SYT2: variants seen among roughly 807,000 people sequenced by gnomAD.
SYT2 encodes synaptotagmin 2.
A neutral mutation model predicts 39.9 loss-of-function variants in SYT2; 15 were observed. The ratio of observed to expected loss-of-function variants is 0.38; its 90% CI spans 0.25 to 0.58. SYT2 has a LOEUF of 0.58. Ranked by LOEUF, SYT2 falls within the 20% of genes least tolerant of loss-of-function variation. SYT2 has a pLI of 0.70. For synonymous variants in SYT2, 181 were observed against 204.5 expected (o/e 0.89, Z 0.98); for missense variants, 389 against 530.3 (o/e 0.73, Z 2.62).
chr1:202,709,754 C>T (rs570499122), intron 1 of SYT2, among the ~76,000 whole-genome samples: 1 of 152,306 alleles, frequency 6.6e-6, no homozygotes, highest in Non-Finnish European at 1.5e-5. Flanking sequence ...CCAGGGTCTC[C>T]GGCTCCCAGC....
intron 1 of SYT2, among the ~76,000 whole-genome samples, chr1:202,669,749 C>T (rs1229312456): frequency 6.7e-6 from 1 of 148,500 alleles, no homozygotes; most frequent in African/African-American, 2.5e-5. Context: ...CAGAGTGAGA[C>T]CCTGTCTCAA....
chr1:202,596,984 G>A, intron 8 of SYT2, 21 bp from the exon 9 acceptor site: 1 of 1,606,816 alleles, frequency 6.2e-7, no homozygotes, highest in Non-Finnish European at 8.5e-7. Context: ...AACGAGGGAG[G>A]GAGTTGGCAG....
At chr1:202,662,843 A>G (rs962401623) in intron 1 of SYT2, among the ~76,000 whole-genome samples, 3 of 152,200 alleles carry the variant, frequency 2.0e-5, no homozygotes, top group African/African-American at 7.2e-5. Flanking sequence ...GTTGTTGAGG[A>G]TTAAAAATAA....
chr1:202,646,132 G>A (rs1025570579), intron 1 of SYT2, among the ~76,000 whole-genome samples: 1 of 152,112 alleles, frequency 6.6e-6, no homozygotes, highest in Non-Finnish European at 1.5e-5. Context: ...CTCCCCAGGT[G>A]CTCCTTAGGT....
intron 1 of SYT2, among the ~76,000 whole-genome samples, chr1:202,625,865 ATC>A (rs2149087194): frequency 6.6e-6 from 1 of 152,298 alleles, no homozygotes; most frequent in African/African-American, 2.4e-5. Context: ...TCCTGTCTCC[ATC>A]TCTCAGGCCC....
At chr1:202,632,034 TTA>T in intron 1 of SYT2, 6 of 985,382 alleles carry the variant, frequency 6.1e-6, no homozygotes, top group Non-Finnish European at 7.2e-6. Context: ...AGAGCTTCCT[TTA>T]TGACACTGCC....
chr1:202,598,054 C>T (rs961466811), intron 8 of SYT2, among the ~76,000 whole-genome samples: 1 of 152,190 alleles, frequency 6.6e-6, no homozygotes, highest in East Asian at 1.9e-4. Flanking sequence ...TACTGGTGCC[C>T]TCCCACTGTG....
chr1:202,653,224 C>A (rs1043618843), intron 1 of SYT2, among the ~76,000 whole-genome samples: 3 of 152,074 alleles, frequency 2.0e-5, no homozygotes, highest in Non-Finnish European at 2.9e-5. Context: ...CAACACGGAC[C>A]CCCCCTGAAC....
chr1:202,605,932 A>G (rs1572617054), intron 1 of SYT2, 143 bp from the exon 2 acceptor site: 2 of 597,098 alleles, frequency 3.3e-6, no homozygotes, highest in East Asian at 5.6e-5. Flanking sequence ...AACCAATAAT[A>G]ATAGACATCA....
At chr1:202,679,332 G>C (rs894912414) in intron 1 of SYT2, among the ~76,000 whole-genome samples, 1 of 152,100 alleles carries the variant, frequency 6.6e-6, no homozygotes, top group Non-Finnish European at 1.5e-5. Flanking sequence ...AATTGCAGCT[G>C]TTTATTGGTA....
intron 1 of SYT2, among the ~76,000 whole-genome samples, chr1:202,672,778 G>GGAGAGGGAGAGAGAGAGAGA: frequency 3.9e-5 from 1 of 25,946 alleles, no homozygotes; most frequent in African/African-American, 6.9e-5. Context: ...AGGGAGGGAG[G>GGAGAGGGAGAGAGAGAGAGA]GAGAGAGAGA....
intron 8 of SYT2, among the ~76,000 whole-genome samples, chr1:202,598,653 T>C (rs1174539498): frequency 6.6e-6 from 1 of 152,130 alleles, no homozygotes; most frequent in Non-Finnish European, 1.5e-5. Flanking sequence ...GTGGGTCTCT[T>C]GTCCTACCAC....
intron 1 of SYT2, among the ~76,000 whole-genome samples, chr1:202,662,239 G>A (rs184032043): frequency 4.1e-4 from 63 of 152,340 alleles, no homozygotes; most frequent in African/African-American, 1.5e-3. Context: ...TATGCGAGTT[G>A]GCGGCAGAAT....
rs1691377164 is a variant in SYT2 at position 202,625,566 on chromosome 1, T to A, written c.-17-19777A>T. On this transcript the variant is annotated intron_variant, in intron 1 of 8. Transcript: ENST00000367268. ...GACCGCGGCCTCCTCCCCAGCCCAC[T>A]TCTTCCCTGCGGCCCGTTGAGGAGA... Among the ~76,000 whole-genome samples the A allele has an allele frequency of 2.0e-5, 3 of 151,868 alleles. No individual in the cohort carries two copies. In the South Asian group the frequency reaches 6.2e-4, roughly 31 times the overall value.
chr1:202,621,870 T>G (rs1042762642), intron 1 of SYT2, among the ~76,000 whole-genome samples: 1 of 152,228 alleles, frequency 6.6e-6, no homozygotes. Context: ...AATGGGATCC[T>G]GATGCCACAT....
At chr1:202,615,432 T>C (rs1691007525) in intron 1 of SYT2, among the ~76,000 whole-genome samples, 1 of 152,042 alleles carries the variant, frequency 6.6e-6, no homozygotes, top group Non-Finnish European at 1.5e-5. Flanking sequence ...CCCCCCCACA[T>C]CCCAGGTGTC....
At chr1:202,653,497 C>T (rs926096198) in intron 1 of SYT2, among the ~76,000 whole-genome samples, 11 of 151,122 alleles carry the variant, frequency 7.3e-5, no homozygotes, top group Admixed American at 3.3e-4. Context: ...GCATCTAGCA[C>T]AGTCTGGGCA....
At chr1:202,619,333 C>G (rs936857519) in intron 1 of SYT2, among the ~76,000 whole-genome samples, 8 of 152,124 alleles carry the variant, frequency 5.3e-5, no homozygotes, top group African/African-American at 4.8e-5. Flanking sequence ...TGAAATGGCG[C>G]CATTAGGTGA....
At chr1:202,650,380 C>T (rs1374710256) in intron 1 of SYT2, among the ~76,000 whole-genome samples, 2 of 151,832 alleles carry the variant, frequency 1.3e-5, no homozygotes, top group South Asian at 2.1e-4. Context: ...CCTACGTGTA[C>T]GTCTCTTCCA....
Sources: gnomAD v4.1 joint callset for allele counts (sites outside exome capture counted in the v4.1 genomes callset) on GRCh38, gnomAD v4.1.1 for gene constraint, MANE v1.5 for transcripts, NCBI Gene and HGNC (gene_info 2026-07-23, HGNC 2026-07-21) for gene names.